The following TET3 variants were observed in gnomAD, a reference collection of about 807,000 sequenced individuals.
TET3 encodes tet methylcytosine dioxygenase 3, also known as methylcytosine dioxygenase TET3.
Under a neutral mutation model 141.4 loss-of-function variants are expected in TET3, and 19 were observed. The observed-to-expected ratio is 0.13, with a 90% confidence interval of 0.09 to 0.20. The LOEUF is 0.20. TET3 is among the 10% of genes least tolerant of loss of function. The pLI is 1.00. For missense variants in TET3, 1,874 were observed against 2,356.9 expected (o/e 0.80, Z 4.24); for synonymous variants, 1,043 against 980.9 (o/e 1.06, Z -1.18).
At chr2:74,011,207 G>T (rs192501686) in intron 3 of TET3, among the ~76,000 whole-genome samples, 2 of 126,802 alleles carry the variant, frequency 1.6e-5, no homozygotes, top group African/African-American at 6.5e-5. Flanking sequence ...CAGCCTGGGC[G>T]ACAGAGAGAG....
intron 4 of TET3, among the ~76,000 whole-genome samples, chr2:74,066,419 G>A (rs940334871): frequency 6.6e-6 from 1 of 152,168 alleles, no homozygotes; most frequent in African/African-American, 2.4e-5. Context: ...ACATATGCAT[G>A]CACAGAAGAT....
chr2:74,058,524 TAA>T (rs75867509), intron 4 of TET3, among the ~76,000 whole-genome samples: 1 of 144,854 alleles, frequency 6.9e-6, no homozygotes, highest in Non-Finnish European at 1.5e-5. Context: ...CCTACAAGTT[TAA>T]AAAAAAAAAA....
chr2:73,987,920 C>T (rs114541079), intron 2 of TET3, among the ~76,000 whole-genome samples: 2,639 of 152,256 alleles, frequency 0.017, 70 homozygotes, highest in African/African-American at 0.059. Context: ...GGGCTGGTCC[C>T]GTGGCTAGGA....
intron 3 of TET3, among the ~76,000 whole-genome samples, chr2:74,017,961 C>CTTTT (rs35319685): frequency 2.5e-4 from 24 of 97,212 alleles, no homozygotes; most frequent in South Asian, 3.1e-4. Flanking sequence ...TCTTCTGTCT[C>CTTTT]TTTTTTTTTT....
intron 10 of TET3, among the ~76,000 whole-genome samples, 166 bp from the exon 11 acceptor site, chr2:74,099,110 G>A (rs77242623): frequency 0.017 from 2,589 of 152,284 alleles, 73 homozygotes; most frequent in African/African-American, 0.056. Flanking sequence ...CTGTTGCCCC[G>A]TGAACCAAGA....
chr2:74,050,726 A>T (rs975349073), intron 4 of TET3, among the ~76,000 whole-genome samples: 1 of 151,886 alleles, frequency 6.6e-6, no homozygotes, highest in Non-Finnish European at 1.5e-5. Context: ...ATTTTTAAAA[A>T]TTTTTTGTGG....
the TET3 span, among the ~76,000 whole-genome samples, chr2:74,120,482 G>A: frequency 6.6e-6 from 1 of 152,230 alleles, no homozygotes; most frequent in East Asian, 1.9e-4. Flanking sequence ...CTGGAGTCGC[G>A]AATGGCCGGT....
At chr2:74,120,339 C>T in the TET3 span, among the ~76,000 whole-genome samples, 1 of 152,260 alleles carries the variant, frequency 6.6e-6, no homozygotes, top group Non-Finnish European at 1.5e-5. Context: ...CGCCGGGGTC[C>T]CAGCCCGGCA....
chr2:74,017,502 T>G (rs781314807), intron 3 of TET3, among the ~76,000 whole-genome samples: 9 of 152,256 alleles, frequency 5.9e-5, no homozygotes, highest in Admixed American at 3.9e-4. Flanking sequence ...TTTATCTTTC[T>G]GTCCCTGGCT....
intron 4 of TET3, among the ~76,000 whole-genome samples, chr2:74,052,386 A>G (rs1157413633): frequency 6.6e-6 from 1 of 152,190 alleles, no homozygotes; most frequent in Non-Finnish European, 1.5e-5. Context: ...GGAAAATCCC[A>G]TACTCCAGAA....
the TET3 span, among the ~76,000 whole-genome samples, chr2:74,114,749 G>A: frequency 8.1e-5 from 12 of 148,936 alleles, no homozygotes; most frequent in Non-Finnish European, 1.5e-4. Context: ...AGCTACTCAG[G>A]AGGCTGAGGC....
At chr2:74,028,343 T>G (rs1414708929) in intron 3 of TET3, among the ~76,000 whole-genome samples, 2 of 152,140 alleles carry the variant, frequency 1.3e-5, no homozygotes, top group East Asian at 3.8e-4. Flanking sequence ...TTAATTTTGA[T>G]GAAGTACAGT....
chr2:74,059,888 A>G (rs1406275747), intron 4 of TET3, among the ~76,000 whole-genome samples: 1 of 152,186 alleles, frequency 6.6e-6, no homozygotes, highest in African/African-American at 2.4e-5. Flanking sequence ...GCTGTACAGC[A>G]TTCCATTTTT....
intron 2 of TET3, among the ~76,000 whole-genome samples, chr2:74,001,240 G>A (rs1684834765): frequency 6.6e-6 from 1 of 152,172 alleles, no homozygotes; most frequent in Non-Finnish European, 1.5e-5. Flanking sequence ...ATCCTGTTCT[G>A]AGTACCCCCT....
rs1690218809 is a variant in TET3, at chr2:74,087,337, A to G, written c.2680-493A>G. ...CAGTCCCTCGAGTGTATTCCTAGGC[A>G]TGGAATTGCTGGATCATATGGTAAT... On this transcript the variant is annotated intron_variant, in intron 6 of 11. Transcript: ENST00000409262. This position sits in a 1 kb window ranked among gnomAD's most constrained non-coding sequence, Gnocchi z 4.3. 6.6e-6 allele frequency among the ~76,000 whole-genome samples: 1 copy of G among 152,124 alleles called. No homozygotes were observed. The highest frequency in any genetic ancestry group is 2.4e-5 in the African/African-American group (1 of 41,412).
the TET3 span, among the ~76,000 whole-genome samples, chr2:74,123,524 C>T: frequency 1.3e-5 from 2 of 152,168 alleles, no homozygotes; most frequent in African/African-American, 4.8e-5. Flanking sequence ...AGGGCAGGGG[C>T]GTGCAGGAGG....
At chr2:74,068,173 TA>T (rs1242080952) in intron 4 of TET3, among the ~76,000 whole-genome samples, 5 of 151,988 alleles carry the variant, frequency 3.3e-5, no homozygotes, top group African/African-American at 1.2e-4. Flanking sequence ...CCATGGCTGT[TA>T]TTTTTTTTTT....
At chr2:74,063,799 C>T (rs926062327) in intron 4 of TET3, among the ~76,000 whole-genome samples, 2 of 151,394 alleles carry the variant, frequency 1.3e-5, no homozygotes, top group African/African-American at 4.9e-5. Flanking sequence ...ATACCTCTGC[C>T]TGCAATCCCA....
chr2:73,994,586 A>C (rs925720963), intron 2 of TET3, among the ~76,000 whole-genome samples: 1 of 148,928 alleles, frequency 6.7e-6, no homozygotes, highest in African/African-American at 2.5e-5. Context: ...TGCTAAGATT[A>C]TGTGAAGTAT....
Sources: gnomAD v4.1 joint callset for allele counts (sites outside exome capture counted in the v4.1 genomes callset) on GRCh38, gnomAD v4.1.1 for gene constraint, Gnocchi (gnomAD v3.1) non-coding constraint, MANE v1.5 for transcripts, NCBI Gene and HGNC (gene_info 2026-07-23, HGNC 2026-07-21) for gene names.